FAM184B: variants seen among roughly 807,000 people sequenced by gnomAD.
FAM184B encodes protein FAM184B.
In FAM184B, 111 loss-of-function variants were observed where a neutral mutation model predicts 135.9. The observed-to-expected ratio is 0.82, with a 90% CI of 0.70 to 0.96. The LOEUF is 0.96. FAM184B is among the 40% of genes least tolerant of loss of function. The probability of loss-of-function intolerance (pLI) is 0.00; values close to 1 mark genes in which losing one functional copy is unlikely to be tolerated. For synonymous variants in FAM184B, 552 were observed against 524.8 expected (o/e 1.05, Z -0.71); for missense variants, 1,375 against 1,323.9 (o/e 1.04, Z -0.60).
At chr4:17,739,555 G>GTTTTTTCTTTTTTTTT (rs1717980699) in intron 1 of FAM184B, among the ~76,000 whole-genome samples, 1 of 62,510 alleles carries the variant, frequency 1.6e-5, no homozygotes, top group African/African-American at 6.2e-5. Context: ...CATACCAACT[G>GTTTTTTCTTTTTTTTT]TTTTTTTTTT....
intron 7 of FAM184B, 21 bp from the exon 8 acceptor site, chr4:17,664,680 G>GAAAAAAAAAAAAAAA: frequency 9.3e-7 from 1 of 1,076,196 alleles, no homozygotes. Flanking sequence ...AAAAGAAAAA[G>GAAAAAAAAAAAAAAA]AAAAAAAAAA....
At position 17,635,015 on chromosome 4, in the gene FAM184B, G is replaced by C. The variant is rs61745212; in HGVS notation, c.2883C>G (p.Ser961=). ...FNPHPGYLTP[S]MKKKKVEDVP... ...ACCATTAGAACCAATTTACCTTCATGGAAGGGGTCAAATATCCCGGGTGAG... is the reference window on the plus strand; with the variant it reads ...ACCATTAGAACCAATTTACCTTCATCGAAGGGGTCAAATATCCCGGGTGAG... Residue 961 remains serine, a synonymous_variant, in exon 16 of 18, where the codon TCC becomes TCG. Transcript: ENST00000265018. The C allele has an allele frequency of 0.015, 22,563 of 1,550,810 alleles. 203 individuals are homozygous for C. The highest frequency in any genetic ancestry group is 0.018 in the African/African-American group (1,293 of 73,122).
intron 7 of FAM184B, among the ~76,000 whole-genome samples, chr4:17,672,905 G>T (rs1034005395): frequency 2.0e-5 from 3 of 152,044 alleles, no homozygotes; most frequent in African/African-American, 7.2e-5. Flanking sequence ...GAATGATTTA[G>T]GGAGGGCTCC....
At chr4:17,653,496 C>T (rs188313947) in intron 10 of FAM184B, among the ~76,000 whole-genome samples, 86 of 152,156 alleles carry the variant, frequency 5.7e-4, no homozygotes, top group African/African-American at 1.9e-3. Context: ...GTCCTGAGAA[C>T]TGTCTGTGTC....
chr4:17,733,988 G>A (rs1390365481), intron 1 of FAM184B, among the ~76,000 whole-genome samples: 2 of 152,122 alleles, frequency 1.3e-5, no homozygotes, highest in Non-Finnish European at 2.9e-5. Flanking sequence ...CAGAGATATA[G>A]ATCAATGGAA....
In FAM184B at chr4:17,632,417, A is replaced by G. The variant is rs1714979867; in HGVS notation, c.*115T>C. 1 of 884,254 alleles carries G rather than the reference A, an allele frequency of 1.1e-6. No individual in the cohort carries two copies. Among genetic ancestry groups the G allele is most frequent in the Non-Finnish European group, 1.7e-6 (1 of 585,234 alleles). 54.8% of individuals were successfully genotyped at this position (884,254 alleles called of 1,614,324 possible). ...AACGCCAAAATTTGTTTTAGCTATC[A>G]TATATAAATCATAAGCATATTATTT... On this transcript the variant is annotated 3_prime_UTR_variant, in exon 18 of 18. Coordinates refer to ENST00000265018, the MANE Select transcript of FAM184B (RefSeq NM_015688.2).
At chr4:17,647,899 A>G in intron 11 of FAM184B, 108 bp from the exon 12 acceptor site, 2 of 1,312,902 alleles carry the variant, frequency 1.5e-6, no homozygotes, top group Non-Finnish European at 1.0e-6. Flanking sequence ...GTGGCTGCTG[A>G]AGGCTTGTGG....
intron 7 of FAM184B, among the ~76,000 whole-genome samples, chr4:17,687,279 T>C (rs944265363): frequency 1.3e-5 from 2 of 152,146 alleles, no homozygotes; most frequent in African/African-American, 2.4e-5. Context: ...TCCTGGAGTT[T>C]GAAATGGCCT....
At chr4:17,690,338 G>A (rs1258764426) in intron 6 of FAM184B, among the ~76,000 whole-genome samples, 1 of 152,172 alleles carries the variant, frequency 6.6e-6, no homozygotes, top group East Asian at 1.9e-4. Flanking sequence ...AAGAGTCCAT[G>A]TTGGAGGGGC....
chr4:17,636,672 TCC>T (rs758030224), intron 14 of FAM184B, 27 bp from the exon 15 acceptor site: 80 of 1,502,908 alleles, frequency 5.3e-5, no homozygotes, highest in Non-Finnish European at 7.0e-5. Flanking sequence ...TGCAGTCAAG[TCC>T]CCCTTACAGC....
intron 1 of FAM184B, among the ~76,000 whole-genome samples, chr4:17,744,393 C>T (rs1015606567): frequency 5.9e-5 from 9 of 151,654 alleles, no homozygotes; most frequent in African/African-American, 1.9e-4. Flanking sequence ...GAGCTGAAGG[C>T]GCGAGGCAGG....
intron 11 of FAM184B, among the ~76,000 whole-genome samples, chr4:17,652,110 G>T (rs1487766703): frequency 1.3e-5 from 2 of 150,322 alleles, no homozygotes; most frequent in Admixed American, 1.3e-4. Flanking sequence ...TTATATGCTA[G>T]ACACTTTATA....
chr4:17,745,622 A>G (rs1280454697), intron 1 of FAM184B, among the ~76,000 whole-genome samples: 1 of 152,112 alleles, frequency 6.6e-6, no homozygotes, highest in Non-Finnish European at 1.5e-5. Flanking sequence ...CTCCATCAAT[A>G]GGTGCACCCT....
At chr4:17,695,602 C>T (rs1339682744) in intron 5 of FAM184B, among the ~76,000 whole-genome samples, 1 of 151,878 alleles carries the variant, frequency 6.6e-6, no homozygotes, top group South Asian at 2.1e-4. Context: ...GGTGGCAGTG[C>T]AGCTGGGAGG....
chr4:17,639,431 G>A (rs1426009716), intron 13 of FAM184B, 35 bp from the exon 14 acceptor site: 2 of 1,548,624 alleles, frequency 1.3e-6, no homozygotes, highest in African/African-American at 1.4e-5. Flanking sequence ...GGCTTGCCCA[G>A]CTCCAGGGAT....
chr4:17,748,251 TG>T (rs1718218979), intron 1 of FAM184B, among the ~76,000 whole-genome samples: 1 of 151,856 alleles, frequency 6.6e-6, no homozygotes, highest in African/African-American at 2.4e-5. Flanking sequence ...CTGAGGTGCG[TG>T]TTATATTCCA....
At chr4:17,691,662 G>A (rs1716738171) in intron 6 of FAM184B, among the ~76,000 whole-genome samples, 1 of 147,296 alleles carries the variant, frequency 6.8e-6, no homozygotes, top group African/African-American at 2.5e-5. Flanking sequence ...CTCCAGCCTG[G>A]GCGATAGAGT....
At position 17,635,021 on chromosome 4, in the gene FAM184B, G is replaced by C. The variant is rs1375004376; in HGVS notation, c.2877C>G (p.Thr959=). Residue 959 remains threonine (T), a synonymous_variant, in exon 16 of 18, where the codon ACC becomes ACG. Transcript: ENST00000265018. ...FSFNPHPGYL[T]PSMKKKKVED... ...AGAACCAATTTACCTTCATGGAAGG[G>C]GTCAAATATCCCGGGTGAGGATTGA... 24 of 1,551,208 alleles carry C rather than the reference G, an allele frequency of 1.5e-5. No homozygotes were observed. Among genetic ancestry groups the C allele is most frequent in the Non-Finnish European group, 2.0e-5 (23 of 1,146,518 alleles).
At position 17,635,069 on chromosome 4, in the gene FAM184B, G is replaced by A. The variant is rs1044091595; in HGVS notation, c.2829C>T (p.Ser943=). The change falls in exon 16 of 18, where the codon TCC becomes TCT. Residue 943 remains serine (S), a synonymous_variant. Coordinates refer to ENST00000265018, the MANE Select transcript of FAM184B (RefSeq NM_015688.2). ...FHYAAFPSAM[S]HRNRSFSFNP... ...TGAAAGAGAAAGACCGATTCCGGTG[G>A]GACATGGCACTGGGGAATGCTGCGT... The A allele has an allele frequency of 1.3e-6, 2 of 1,551,816 alleles. No homozygotes were observed. The highest frequency in any genetic ancestry group is 1.7e-6 in the Non-Finnish European group (2 of 1,147,008).
Sources: gnomAD v4.1 joint callset for allele counts (sites outside exome capture counted in the v4.1 genomes callset) on GRCh38, gnomAD v4.1.1 for gene constraint, MANE v1.5 for transcripts, NCBI Gene and HGNC (gene_info 2026-07-23, HGNC 2026-07-21) for gene names.